DNM3: variants seen among roughly 807,000 people sequenced by gnomAD.
The protein encoded by DNM3 is dynamin 3.
A neutral mutation model predicts 101.6 loss-of-function variants in DNM3; 47 were observed. The ratio of observed to expected loss-of-function variants is 0.46; its 90% CI spans 0.37 to 0.59. The LOEUF (loss-of-function observed/expected upper bound fraction) is 0.59, where lower values mean the gene tolerates loss of function less well. DNM3 is among the 20% of genes least tolerant of loss of function. The pLI is 0.00. For missense variants in DNM3, 849 were observed against 1,085.7 expected (o/e 0.78, Z 3.06); for synonymous variants, 385 against 387.9 (o/e 0.99, Z 0.09).
At chr1:172,013,809 T>C (rs1240087399) in intron 4 of DNM3, among the ~76,000 whole-genome samples, 1 of 151,896 alleles carries the variant, frequency 6.6e-6, no homozygotes, top group Non-Finnish European at 1.5e-5. Context: ...AGTATTGGAG[T>C]AGGTTGAAGA....
At chr1:172,247,378 A>C (rs2061993434) in intron 14 of DNM3, among the ~76,000 whole-genome samples, 1 of 152,178 alleles carries the variant, frequency 6.6e-6, no homozygotes, top group Admixed American at 6.6e-5. Flanking sequence ...GGGGTGGTAA[A>C]AACTAGGAAT....
intron 20 of DNM3, among the ~76,000 whole-genome samples, chr1:172,395,173 ATT>A (rs151029098): frequency 0.61 from 81,530 of 133,010 alleles, 24,028 homozygotes; most frequent in East Asian, 0.95. Context: ...ATCAGAAGCA[ATT>A]TTTTTTTTTT....
In DNM3 at chr1:172,231,755, G is replaced by A. The variant is rs138229713; in HGVS notation, c.1660-21818G>A. 4.1e-3 allele frequency among the ~76,000 whole-genome samples: 631 copies of A among 152,340 alleles called. 10 individuals carry two copies. The highest frequency in any genetic ancestry group is 0.014 in the African/African-American group (591 of 41,580). On this transcript the variant is annotated intron_variant, in intron 14 of 20. Transcript: ENST00000627582. ...ATGCAGAGAAGTCCTTAAAAGACTT[G>A]ATGGAGCTGAAAACCATGGCACGAG... is the stretch of plus-strand genomic sequence containing the variant.
At chr1:171,899,938 AG>A (rs1320932649) in intron 1 of DNM3, among the ~76,000 whole-genome samples, 16 of 152,234 alleles carry the variant, frequency 1.1e-4, no homozygotes, top group African/African-American at 3.6e-4. Flanking sequence ...GCAAGGGAGA[AG>A]GTACACCAGA....
intron 1 of DNM3, among the ~76,000 whole-genome samples, chr1:171,879,368 G>T (rs2036060485): frequency 1.3e-5 from 2 of 152,102 alleles, no homozygotes; most frequent in African/African-American, 2.4e-5. Context: ...AAGATTATAT[G>T]ATGTACTTTG....
At chr1:172,025,789 C>A (rs140790239) in intron 4 of DNM3, among the ~76,000 whole-genome samples, 1 of 152,248 alleles carries the variant, frequency 6.6e-6, no homozygotes, top group African/African-American at 2.4e-5. Flanking sequence ...CACACAGAAA[C>A]CCCATCTGAA....
intron 1 of DNM3, among the ~76,000 whole-genome samples, chr1:171,865,008 T>C (rs1040731522): frequency 4.6e-5 from 7 of 152,334 alleles, no homozygotes; most frequent in African/African-American, 1.7e-4. Context: ...GTTTTCTTAA[T>C]TGGACGGAGA....
intron 14 of DNM3, among the ~76,000 whole-genome samples, chr1:172,181,819 T>C (rs1192713976): frequency 2.9e-5 from 4 of 139,750 alleles, no homozygotes; most frequent in Non-Finnish European, 4.8e-5. Flanking sequence ...TTTTTTTTTT[T>C]TGAAAATAAA....
chr1:172,299,752 T>C (rs1157364940), intron 15 of DNM3, among the ~76,000 whole-genome samples: 2 of 152,218 alleles, frequency 1.3e-5, no homozygotes, highest in Non-Finnish European at 2.9e-5. Flanking sequence ...CCATAGTGTA[T>C]ATGTGCCACA....
At chr1:171,934,017 TC>T (rs1319255921) in intron 2 of DNM3, among the ~76,000 whole-genome samples, 19 of 152,344 alleles carry the variant, frequency 1.2e-4, no homozygotes, top group Admixed American at 5.9e-4. Context: ...TCTTCTCATT[TC>T]CATTAGTTCT....
intron 15 of DNM3, chr1:172,289,647 A>G (rs1420097805): frequency 2.0e-6 from 2 of 982,960 alleles, no homozygotes; most frequent in South Asian, 4.7e-5. Context: ...TTTAATGCTG[A>G]CAATCTATTT....
At chr1:171,846,391 T>G (rs1034252530) in intron 1 of DNM3, among the ~76,000 whole-genome samples, 12 of 152,176 alleles carry the variant, frequency 7.9e-5, no homozygotes, top group African/African-American at 2.9e-4. Context: ...ATGCACTTGA[T>G]TTAACTTCTT....
At chr1:172,051,842 C>A (rs2050226623) in intron 10 of DNM3, among the ~76,000 whole-genome samples, 1 of 152,196 alleles carries the variant, frequency 6.6e-6, no homozygotes, top group Non-Finnish European at 1.5e-5. Flanking sequence ...CTTGGATTAA[C>A]TTTGCCACCT....
intron 2 of DNM3, among the ~76,000 whole-genome samples, chr1:171,968,481 G>A (rs2043753328): frequency 6.6e-6 from 1 of 152,140 alleles, no homozygotes; most frequent in African/African-American, 2.4e-5. Flanking sequence ...GTTGTTTCAA[G>A]GTTACTTTTC....
At chr1:172,307,434 A>C (rs2064882662) in intron 15 of DNM3, among the ~76,000 whole-genome samples, 3 of 152,302 alleles carry the variant, frequency 2.0e-5, no homozygotes, top group South Asian at 4.1e-4. Flanking sequence ...TGGGAGTGTA[A>C]ACTAGTTCAA....
intron 15 of DNM3, among the ~76,000 whole-genome samples, chr1:172,300,805 T>C (rs557595363): frequency 6.6e-6 from 1 of 152,170 alleles, no homozygotes; most frequent in Non-Finnish European, 1.5e-5. Flanking sequence ...ATAATAACAA[T>C]TTAAAGAGGA....
rs1471940831 is a variant in DNM3, at chr1:172,412,637, G to A, written c.*4796G>A. ...GAAGAAAAATCTCAAAGCCTGTATCGTTCTTGAAGGTCACATGTACCTATT... is the reference window on the plus strand; with the variant it reads ...GAAGAAAAATCTCAAAGCCTGTATCATTCTTGAAGGTCACATGTACCTATT... On this transcript the variant is annotated 3_prime_UTR_variant, in exon 21 of 21. Coordinates refer to ENST00000627582, the MANE Select transcript of DNM3 (RefSeq NM_015569.5). The A allele has an allele frequency of 6.1e-6, 6 of 985,610 alleles. No individual in the cohort carries two copies. Among genetic ancestry groups the A allele is most frequent in the Admixed American group, 6.2e-5 (1 of 16,258 alleles). The allele number at this position is 985,610 out of a possible 1,614,324, so 61.1% of individuals were successfully genotyped here. A position where few individuals can be genotyped will look rare whatever the true frequency, so the allele number is the denominator to read the frequency against.
chr1:172,210,590 A>G (rs1558731095), intron 14 of DNM3, among the ~76,000 whole-genome samples: 1 of 152,222 alleles, frequency 6.6e-6, no homozygotes, highest in East Asian at 1.9e-4. Context: ...AATAAAGTAT[A>G]AAGTTACATC....
At chr1:172,014,233 G>A (rs2047304577) in intron 4 of DNM3, among the ~76,000 whole-genome samples, 1 of 152,124 alleles carries the variant, frequency 6.6e-6, no homozygotes, top group South Asian at 2.1e-4. Flanking sequence ...CAGCAACCTG[G>A]ATGGAACTGG....
Sources: gnomAD v4.1 joint callset for allele counts (sites outside exome capture counted in the v4.1 genomes callset) on GRCh38, gnomAD v4.1.1 for gene constraint, MANE v1.5 for transcripts, NCBI Gene and HGNC (gene_info 2026-07-23, HGNC 2026-07-21) for gene names.